Variants in SEMA3A observed in about 807,000 individuals in gnomAD.
The protein encoded by SEMA3A is semaphorin 3A.
Under a neutral mutation model 97.9 loss-of-function variants are expected in SEMA3A, and 29 were observed. That is an observed-to-expected ratio of 0.30 (90% confidence interval 0.22 to 0.40). The LOEUF is 0.40. Among genes scored for constraint, SEMA3A ranks in the 10% least tolerant of loss-of-function variants. The pLI, the probability that SEMA3A is intolerant of heterozygous loss-of-function variation, is 1.00. For synonymous variants in SEMA3A, 321 were observed against 323.7 expected, an observed-to-expected ratio of 0.99 and a Z score of 0.09; for missense variants, 763 against 951.3, an observed-to-expected ratio of 0.80 and a Z score of 2.60.
chr7:84,483,597 C>T (rs529445814), intron 1 of SEMA3A, among the ~76,000 whole-genome samples: 1 of 152,340 alleles, frequency 6.6e-6, no homozygotes, highest in East Asian at 1.9e-4. Context: ...GGTGCCCCAA[C>T]AGTGCTTTGC....
intron 4 of SEMA3A, among the ~76,000 whole-genome samples, chr7:84,098,260 A>ATTTATT (rs1274077465): frequency 6.6e-6 from 1 of 152,002 alleles, no homozygotes; most frequent in African/African-American, 2.4e-5. Context: ...GTTGGAAAAC[A>ATTTATT]TTTATTTTTA....
intron 15 of SEMA3A, among the ~76,000 whole-genome samples, chr7:83,967,006 C>T (rs561921488): frequency 5.9e-5 from 9 of 152,214 alleles, no homozygotes; most frequent in Non-Finnish European, 1.0e-4. Flanking sequence ...CCACCGCGCC[C>T]GGCCAAAAGT....
At chr7:84,210,169 G>A (rs1338377109) in intron 3 of SEMA3A, among the ~76,000 whole-genome samples, 3 of 151,994 alleles carry the variant, frequency 2.0e-5, no homozygotes, top group Non-Finnish European at 4.4e-5. Context: ...TTTTTGTGGG[G>A]AAGAAGAAAA....
chr7:84,077,370 T>C (rs1046363462), intron 4 of SEMA3A, among the ~76,000 whole-genome samples: 3 of 152,200 alleles, frequency 2.0e-5, no homozygotes, highest in Admixed American at 1.3e-4. Flanking sequence ...TACCACTTCT[T>C]TTTATAAACG....
rs1424926273 is a variant in SEMA3A at position 83,955,971 on chromosome 7, C to T, written c.*5400G>A. The T allele has an allele frequency of 6.6e-6, 1 of 152,086 alleles. No homozygotes were observed. The highest frequency in any genetic ancestry group is 1.5e-5 in the Non-Finnish European group (1 of 67,998). 9.4% of individuals were successfully genotyped at this position (152,086 alleles called of 1,614,324 possible). Reference sequence around the variant, plus strand: ...TGTTTAGATTAAAAGAAAGAAAATCCATTCTTTTGTTATATGAGAAAAACA... The same window carrying T: ...TGTTTAGATTAAAAGAAAGAAAATCTATTCTTTTGTTATATGAGAAAAACA... On this transcript the variant is annotated 3_prime_UTR_variant, in exon 17 of 17. Transcript: ENST00000265362.
At chr7:83,983,766 T>A (rs2116325380) in intron 13 of SEMA3A, among the ~76,000 whole-genome samples, 1 of 152,276 alleles carries the variant, frequency 6.6e-6, no homozygotes, top group African/African-American at 2.4e-5. Context: ...CAGTCACTAG[T>A]AAGTTACCTG....
At chr7:84,335,421 GATA>G (rs762926342) in intron 2 of SEMA3A, among the ~76,000 whole-genome samples, 2 of 152,120 alleles carry the variant, frequency 1.3e-5, no homozygotes, top group East Asian at 1.9e-4. Context: ...AGTTGTGGAA[GATA>G]ATAATTTATT....
intron 3 of SEMA3A, among the ~76,000 whole-genome samples, chr7:84,243,687 T>C (rs1339292621): frequency 6.6e-6 from 1 of 152,162 alleles, no homozygotes; most frequent in African/African-American, 2.4e-5. Context: ...TCTTGTCTTC[T>C]GCTAGCTTTT....
At chr7:84,060,411 A>G (rs1479038715) in intron 5 of SEMA3A, 54 bp downstream of exon 5, 6 of 1,113,776 alleles carry the variant, frequency 5.4e-6, no homozygotes, top group Non-Finnish European at 7.8e-6. Flanking sequence ...AGAACATACA[A>G]CCTGTTTGTT....
intron 3 of SEMA3A, among the ~76,000 whole-genome samples, chr7:84,204,715 G>A (rs1387180238): frequency 2.0e-5 from 3 of 152,068 alleles, no homozygotes; most frequent in African/African-American, 7.2e-5. Context: ...TATATCAAAC[G>A]CAGTAGGTTT....
intron 2 of SEMA3A, among the ~76,000 whole-genome samples, chr7:84,356,971 A>G (rs963233355): frequency 2.0e-5 from 3 of 151,896 alleles, no homozygotes; most frequent in Non-Finnish European, 2.9e-5. Context: ...AAGTTAAAAA[A>G]AAGTTGCTAG....
At chr7:84,126,600 T>C (rs1164627446) in intron 3 of SEMA3A, among the ~76,000 whole-genome samples, 4 of 152,224 alleles carry the variant, frequency 2.6e-5, no homozygotes, top group Admixed American at 2.6e-4. Flanking sequence ...TTAAAAGCTA[T>C]AAATAGGTAA....
At chr7:84,490,988 GA>G (rs887375584) in intron 1 of SEMA3A, among the ~76,000 whole-genome samples, 11 of 152,112 alleles carry the variant, frequency 7.2e-5, no homozygotes, top group African/African-American at 2.4e-4. Context: ...GAATGACTGT[GA>G]AACTCCGTTT....
At position 84,051,951 on chromosome 7, in the gene SEMA3A, T is replaced by C. The variant is rs1792678195; in HGVS notation, c.548-5508A>G. On this transcript the variant is annotated intron_variant, in intron 5 of 16. Transcript: ENST00000265362. ...GTTGAATTTTGTCAAAGGCCTTTTCTGCATCTATTGAGATAATCATGTGGT... is the reference window on the plus strand; with the variant it reads ...GTTGAATTTTGTCAAAGGCCTTTTCCGCATCTATTGAGATAATCATGTGGT... 2.0e-5 allele frequency among the ~76,000 whole-genome samples: 3 copies of C among 150,892 alleles called. No individual in the cohort carries two copies. The East Asian group carries it at 5.9e-4, about 30-fold the overall frequency.
At chr7:84,173,559 CAAAA>C (rs34919422) in intron 1 of SEMA3A, among the ~76,000 whole-genome samples, 6 of 80,684 alleles carry the variant, frequency 7.4e-5, no homozygotes, top group East Asian at 3.4e-4. Flanking sequence ...AACTCTGTCT[CAAAA>C]AAAAAAAAAA....
chr7:84,307,312 T>A (rs1018756205), intron 2 of SEMA3A: 1 of 152,158 alleles, frequency 6.6e-6, no homozygotes, highest in Non-Finnish European at 1.5e-5. Context: ...TAAACAAGTT[T>A]ATTCTTAAAA....
chr7:84,431,606 A>G lies in SEMA3A; in HGVS notation c.-245-59706T>C, dbSNP rs370835152. 3.0e-4 allele frequency among the ~76,000 whole-genome samples: 45 copies of G among 149,762 alleles called. No homozygotes were observed. The East Asian group carries it at 8.4e-3, about 28-fold the overall frequency. On this transcript the variant is annotated intron_variant, in intron 1 of 3. Transcript: ENST00000424555. ...AGAGTATGTTCTAAAGAAGCTACAG[A>G]AAATTAAAAATCAGAGTTTTTTTTT... is the stretch of plus-strand genomic sequence containing the variant.
chr7:84,066,485 C>T (rs1246756999), intron 4 of SEMA3A, among the ~76,000 whole-genome samples: 2 of 145,936 alleles, frequency 1.4e-5, no homozygotes, highest in Non-Finnish European at 3.0e-5. Flanking sequence ...CAAATTGTCC[C>T]TGTTTGCAGA....
intron 2 of SEMA3A, 116 bp downstream of exon 2, chr7:84,134,674 GACAA>G: frequency 1.4e-6 from 1 of 702,120 alleles, no homozygotes; most frequent in South Asian, 2.9e-5. Flanking sequence ...CATCAGAAAA[GACAA>G]ACTATTAATT....
Sources: allele counts gnomAD v4.1 joint callset (sites outside exome capture counted in the v4.1 genomes callset), GRCh38; gene constraint gnomAD v4.1.1; transcripts MANE v1.5; gene names NCBI Gene and HGNC (gene_info 2026-07-23, HGNC 2026-07-21).